Variants in CACNA2D3 observed in about 807,000 individuals in gnomAD.
The protein encoded by CACNA2D3 is voltage-dependent calcium channel subunit alpha-2/delta-3.
Under a neutral mutation model 160.6 loss-of-function variants are expected in CACNA2D3, and 60 were observed. That is an observed-to-expected ratio of 0.37 (90% CI 0.30 to 0.46). The LOEUF is 0.46. Among genes scored for constraint, CACNA2D3 ranks in the 20% least tolerant of loss-of-function variants. The probability of loss-of-function intolerance (pLI) is 1.00; values close to 1 mark genes in which losing one functional copy is unlikely to be tolerated. For missense variants in CACNA2D3, 1,205 were observed against 1,365.0 expected, an observed-to-expected ratio of 0.88 and a Z score of 1.85; for synonymous variants, 558 against 492.9, an observed-to-expected ratio of 1.13 and a Z score of -1.75.
At chr3:54,815,583 A>G (rs1257441881) in intron 13 of CACNA2D3, among the ~76,000 whole-genome samples, 1 of 152,226 alleles carries the variant, frequency 6.6e-6, no homozygotes, top group East Asian at 1.9e-4. Flanking sequence ...ACAGAGAGAA[A>G]GTCTACTGTC....
At chr3:54,852,660 G>A (rs1699083621) in intron 17 of CACNA2D3, among the ~76,000 whole-genome samples, 1 of 152,110 alleles carries the variant, frequency 6.6e-6, no homozygotes, top group South Asian at 2.1e-4. Flanking sequence ...TTTGTTAGTG[G>A]TTATAGATGG....
At chr3:54,768,193 A>T (rs1702256394) in intron 13 of CACNA2D3, among the ~76,000 whole-genome samples, 1 of 152,178 alleles carries the variant, frequency 6.6e-6, no homozygotes, top group Non-Finnish European at 1.5e-5. Flanking sequence ...GAACAGTGGG[A>T]TACTATGTAC....
At chr3:54,823,043 CAG>C (rs1455565108) in intron 14 of CACNA2D3, among the ~76,000 whole-genome samples, 8 of 151,822 alleles carry the variant, frequency 5.3e-5, no homozygotes, top group Admixed American at 3.9e-4. Context: ...TTAGTAGAGA[CAG>C]AGTTTCACCA....
chr3:54,782,096 T>C (rs1320454584), intron 13 of CACNA2D3, among the ~76,000 whole-genome samples: 2 of 152,178 alleles, frequency 1.3e-5, no homozygotes, highest in Non-Finnish European at 2.9e-5. Context: ...ATTGTGGTAA[T>C]TGAGAAAATT....
chr3:54,988,325 C>T (rs577384372), intron 31 of CACNA2D3, among the ~76,000 whole-genome samples: 2 of 152,290 alleles, frequency 1.3e-5, no homozygotes, highest in East Asian at 1.9e-4. Flanking sequence ...TAAGAACTCT[C>T]GCTGATCCTG....
intron 2 of CACNA2D3, among the ~76,000 whole-genome samples, chr3:54,144,769 G>A (rs1472696210): frequency 1.3e-5 from 2 of 152,170 alleles, no homozygotes; most frequent in Non-Finnish European, 2.9e-5. Context: ...GTTATTATGA[G>A]GATTAAGTGA....
intron 11 of CACNA2D3, among the ~76,000 whole-genome samples, chr3:54,681,405 A>AAG: frequency 6.8e-6 from 1 of 147,776 alleles, no homozygotes; most frequent in Non-Finnish European, 1.5e-5. Context: ...AAAAAAAAAA[A>AAG]AAAGGCCAGG....
intron 2 of CACNA2D3, among the ~76,000 whole-genome samples, chr3:54,160,343 A>G (rs1452012504): frequency 3.7e-4 from 56 of 152,170 alleles, no homozygotes; most frequent in Admixed American, 3.7e-3. Context: ...TACTAAAAAT[A>G]CAAAAATTTA....
At chr3:54,455,025 G>A (rs1700373062) in intron 4 of CACNA2D3, among the ~76,000 whole-genome samples, 2 of 152,040 alleles carry the variant, frequency 1.3e-5, no homozygotes, top group South Asian at 4.1e-4. Flanking sequence ...TCCCTATCTT[G>A]GCTATTGCGA....
chr3:54,903,173 A>G (rs1700377945), intron 27 of CACNA2D3, among the ~76,000 whole-genome samples: 1 of 152,084 alleles, frequency 6.6e-6, no homozygotes, highest in South Asian at 2.1e-4. Context: ...CCTGGTACCC[A>G]TTAGTTATTT....
At position 54,470,085 on chromosome 3, in the gene CACNA2D3, A is replaced by G. The variant is rs139305797; in HGVS notation, c.382-33407A>G. ...AAATTTAGGAAATACAGAGAACATCACAAAGATACTCCTCAAGAAGAGCAA... is the reference window on the plus strand; with the variant it reads ...AAATTTAGGAAATACAGAGAACATCGCAAAGATACTCCTCAAGAAGAGCAA... On this transcript the variant is annotated intron_variant, in intron 4 of 37. Coordinates refer to ENST00000474759, the MANE Select transcript of CACNA2D3 (RefSeq NM_018398.3). Among the ~76,000 whole-genome samples the G allele has an allele frequency of 3.6e-3, 550 of 152,324 alleles. 2 individuals are homozygous for G. The highest frequency in any genetic ancestry group is 5.1e-3 in the Non-Finnish European group (344 of 68,038).
At chr3:55,056,937 C>T (rs1303116942) in intron 35 of CACNA2D3, among the ~76,000 whole-genome samples, 2 of 152,160 alleles carry the variant, frequency 1.3e-5, no homozygotes, top group East Asian at 1.9e-4. Context: ...AAAACTGCTA[C>T]AAGAATAAAT....
chr3:54,925,300 A>G (rs1176380318), intron 27 of CACNA2D3: 9 of 1,145,162 alleles, frequency 7.9e-6, no homozygotes, highest in South Asian at 2.9e-5. Context: ...TTTACAGGTA[A>G]TGTGCTTTCC....
Position 55,074,493 on chromosome 3 carries a change from CTTGAAACCTA to C in CACNA2D3, c.*296_*305del, listed in dbSNP as rs371534105. On this transcript the variant is annotated 3_prime_UTR_variant, in exon 38 of 38. Transcript: ENST00000474759. ...CAAGTGGTAGGCAGTGTCCCTTCTG[CTTGAAACCTA>C]TTGAAACCAATTTAAAACTGTGTAC... 39 of 387,800 alleles carry C rather than the reference CTTGAAACCTA, an allele frequency of 1.0e-4. No homozygotes were observed. The highest frequency in any genetic ancestry group is 1.0e-3 in the East Asian group (20 of 20,058). 24.0% of individuals were successfully genotyped at this position (387,800 alleles called of 1,614,324 possible). A position where few individuals can be genotyped will look rare whatever the true frequency, so the allele number is the denominator to read the frequency against.
At chr3:54,830,397 G>A (rs952673967) in intron 14 of CACNA2D3, among the ~76,000 whole-genome samples, 1 of 151,672 alleles carries the variant, frequency 6.6e-6, no homozygotes, top group African/African-American at 2.4e-5. Context: ...ATAACCGCCG[G>A]TCTTTGCTTC....
chr3:54,242,221 G>A (rs1357057873), intron 2 of CACNA2D3, among the ~76,000 whole-genome samples: 1 of 152,112 alleles, frequency 6.6e-6, no homozygotes, highest in Non-Finnish European at 1.5e-5. Context: ...AGGAGTTCCA[G>A]ACCAGCCTGG....
At chr3:54,821,717 C>CTTCT (rs1491240169) in intron 14 of CACNA2D3, among the ~76,000 whole-genome samples, 4 of 86,368 alleles carry the variant, frequency 4.6e-5, no homozygotes, top group East Asian at 3.1e-4. Context: ...TCCTTCTTTC[C>CTTCT]TCTCTCTCTC....
chr3:54,588,751 G>T (rs9848802), intron 9 of CACNA2D3, among the ~76,000 whole-genome samples: 2 of 151,932 alleles, frequency 1.3e-5, no homozygotes, highest in Admixed American at 6.6e-5. Context: ...TATATAGGCT[G>T]TATTTGCTGA....
chr3:54,745,352 G>C (rs569507928), intron 11 of CACNA2D3, among the ~76,000 whole-genome samples: 108 of 152,318 alleles, frequency 7.1e-4, no homozygotes, highest in Non-Finnish European at 1.4e-3. Flanking sequence ...TCGAGTGTGA[G>C]AGCCTGATGA....
Sources: gnomAD v4.1 joint callset for allele counts (sites outside exome capture counted in the v4.1 genomes callset) on GRCh38, gnomAD v4.1.1 for gene constraint, MANE v1.5 for transcripts, NCBI Gene and HGNC (gene_info 2026-07-23, HGNC 2026-07-21) for gene names.